Variants in ARHGAP6 observed in about 807,000 individuals in gnomAD.
The protein encoded by ARHGAP6 is rho GTPase-activating protein 6.
Under a neutral mutation model 55.7 loss-of-function variants are expected in ARHGAP6, and 16 were observed. The observed-to-expected ratio is 0.29, with a 90% CI of 0.19 to 0.44. The LOEUF is 0.44. Among genes scored for constraint, ARHGAP6 ranks in the 20% least tolerant of loss-of-function variants. The pLI is 1.00. For missense variants in ARHGAP6, 698 were observed against 808.9 expected (o/e 0.86, Z 1.66); for synonymous variants, 382 against 360.9 (o/e 1.06, Z -0.66).
chrX:11,198,619 A>G (rs1048545797), intron 2 of ARHGAP6, among the ~76,000 whole-genome samples: 14 of 112,641 alleles, frequency 1.2e-4, no homozygotes, highest in African/African-American at 4.5e-4. Context: ...AAAGCTTAAA[A>G]GATTTGATTT....
At chrX:11,290,883 C>A (rs970163359) in intron 1 of ARHGAP6, among the ~76,000 whole-genome samples, 2 of 112,056 alleles carry the variant, frequency 1.8e-5, no homozygotes, top group African/African-American at 6.5e-5. Flanking sequence ...AGGCCAGCCC[C>A]ACTTAGAGTG....
intron 1 of ARHGAP6, among the ~76,000 whole-genome samples, chrX:11,400,003 A>G (rs765602292): frequency 8.9e-6 from 1 of 112,084 alleles, no homozygotes; most frequent in Admixed American, 9.5e-5. Context: ...TTCTATTTTT[A>G]TGAAATATCC....
At chrX:11,628,611 T>C (rs1000502443) in intron 1 of ARHGAP6, among the ~76,000 whole-genome samples, 2 of 112,517 alleles carry the variant, frequency 1.8e-5, no homozygotes, top group African/African-American at 3.2e-5. Flanking sequence ...GAAGAGATTC[T>C]AACCATTCAC....
At position 11,171,430 on chromosome X, in the gene ARHGAP6, T is replaced by C. The variant is rs146234388; in HGVS notation, c.1630-1746A>G. On this transcript the variant is annotated intron_variant, in intron 8 of 12. Transcript: ENST00000337414. ...AAAAAAATCCTGTCTTCAGGCTTCA[T>C]TGGCCCCTAGAATCCCACTGCACGA... 3.4e-3 allele frequency among the ~76,000 whole-genome samples: 379 copies of C among 111,187 alleles called. 1 individual carries two copies. The highest frequency in any genetic ancestry group is 0.012 in the African/African-American group (368 of 30,578).
At chrX:11,379,297 C>G (rs1424034229) in intron 1 of ARHGAP6, among the ~76,000 whole-genome samples, 1 of 112,212 alleles carries the variant, frequency 8.9e-6, no homozygotes, top group Non-Finnish European at 1.9e-5. Context: ...AGTCAAAAGG[C>G]TGACTCCAGA....
chrX:11,166,816 T>A (rs1163243306), intron 9 of ARHGAP6, among the ~76,000 whole-genome samples: 1 of 110,555 alleles, frequency 9.0e-6, no homozygotes, highest in East Asian at 2.8e-4. Flanking sequence ...GATGAGGTCA[T>A]GTAGCCAATA....
intron 1 of ARHGAP6, among the ~76,000 whole-genome samples, chrX:11,649,991 CT>C (rs201517374): frequency 0.11 from 9,239 of 87,821 alleles, 454 homozygotes; most frequent in Middle Eastern, 0.18. Context: ...ACTTTCTTTT[CT>C]TTTTTTTTTT....
intron 2 of ARHGAP6, among the ~76,000 whole-genome samples, chrX:11,248,391 T>C (rs1340176436): frequency 9.0e-6 from 1 of 111,297 alleles, no homozygotes; most frequent in African/African-American, 3.3e-5. Flanking sequence ...CAAAAGCAAA[T>C]GCAATAAAAA....
At chrX:11,340,262 G>C (rs1279086975) in intron 1 of ARHGAP6, among the ~76,000 whole-genome samples, 5 of 111,489 alleles carry the variant, frequency 4.5e-5, no homozygotes, top group African/African-American at 1.6e-4. Context: ...GCACCTCATG[G>C]CATTGCTCCC....
intron 1 of ARHGAP6, among the ~76,000 whole-genome samples, chrX:11,501,095 T>C (rs1213291851): frequency 4.5e-5 from 5 of 112,113 alleles, no homozygotes; most frequent in Non-Finnish European, 9.4e-5. Context: ...AACTCTGCCC[T>C]TGCCACAGGA....
At chrX:11,176,978 A>C (rs1425845926) in intron 8 of ARHGAP6, among the ~76,000 whole-genome samples, 2 of 112,064 alleles carry the variant, frequency 1.8e-5, no homozygotes, top group Non-Finnish European at 3.8e-5. Flanking sequence ...ATACATAACC[A>C]CGTTCTTTGG....
intron 1 of ARHGAP6, among the ~76,000 whole-genome samples, chrX:11,477,702 C>A (rs2050417038): frequency 8.9e-6 from 1 of 111,795 alleles, no homozygotes; most frequent in African/African-American, 3.2e-5. Flanking sequence ...TACACAAGGA[C>A]ATGCATGAAT....
At chrX:11,301,162 G>T (rs760816970) in intron 1 of ARHGAP6, among the ~76,000 whole-genome samples, 1 of 80,918 alleles carries the variant, frequency 1.2e-5, no homozygotes, top group South Asian at 7.8e-4. Context: ...ATCAAAATCT[G>T]GTCTTTTGAT....
chrX:11,637,420 C>G (rs952582972), intron 1 of ARHGAP6, among the ~76,000 whole-genome samples: 5 of 111,807 alleles, frequency 4.5e-5, no homozygotes, highest in Non-Finnish European at 9.4e-5. Context: ...CAACAGTTAG[C>G]TTTAACAATT....
chrX:11,601,888 A>G (rs1569055358), intron 1 of ARHGAP6, among the ~76,000 whole-genome samples: 1 of 111,906 alleles, frequency 8.9e-6, no homozygotes, highest in Non-Finnish European at 1.9e-5. Flanking sequence ...ACCACAGCAA[A>G]GAAAACACTT....
chrX:11,267,291 T>C (rs2047639069), intron 1 of ARHGAP6, among the ~76,000 whole-genome samples: 1 of 112,516 alleles, frequency 8.9e-6, no homozygotes, highest in Non-Finnish European at 1.9e-5. Flanking sequence ...TAGTTCTGAC[T>C]GAGCACTTAC....
At chrX:11,364,112 A>G (rs759958053) in intron 1 of ARHGAP6, among the ~76,000 whole-genome samples, 2 of 111,656 alleles carry the variant, frequency 1.8e-5, no homozygotes, top group African/African-American at 3.3e-5. Flanking sequence ...ACAGAAAACC[A>G]TATACTGCAT....
intron 1 of ARHGAP6, among the ~76,000 whole-genome samples, chrX:11,494,109 C>T (rs1603231204): frequency 9.0e-6 from 1 of 111,166 alleles, no homozygotes; most frequent in East Asian, 2.8e-4. Flanking sequence ...TTATCAGTGT[C>T]CCTGGTATCT....
chrX:11,619,081 T>G (rs1392388477), intron 1 of ARHGAP6, among the ~76,000 whole-genome samples: 3 of 112,319 alleles, frequency 2.7e-5, no homozygotes, highest in African/African-American at 9.7e-5. Context: ...ACTAATCTCC[T>G]TAGTAACTGA....
Sources: gnomAD v4.1 joint callset for allele counts (sites outside exome capture counted in the v4.1 genomes callset) on GRCh38, gnomAD v4.1.1 for gene constraint, MANE v1.5 for transcripts, NCBI Gene and HGNC (gene_info 2026-07-23, HGNC 2026-07-21) for gene names.